Variants in SEC24A observed in about 807,000 individuals in gnomAD.
SEC24A encodes protein transport protein Sec24A.
A neutral mutation model predicts 129.4 loss-of-function variants in SEC24A; 93 were observed. The observed-to-expected ratio is 0.72, with a 90% CI of 0.61 to 0.85. The LOEUF is 0.85. Among genes scored for constraint, SEC24A ranks in the 40% least tolerant of loss-of-function variants. SEC24A has a pLI of 0.00. For synonymous variants in SEC24A, 460 were observed against 467.3 expected, an observed-to-expected ratio of 0.98 and a Z score of 0.20; for missense variants, 1,264 against 1,307.4, an observed-to-expected ratio of 0.97 and a Z score of 0.51.
chr5:134,668,691 A>G (rs1233942218), intron 3 of SEC24A, among the ~76,000 whole-genome samples: 1 of 151,588 alleles, frequency 6.6e-6, no homozygotes, highest in Non-Finnish European at 1.5e-5. Context: ...GCATGATCGC[A>G]CTCCAGCCTG....
intron 18 of SEC24A, among the ~76,000 whole-genome samples, chr5:134,714,171 T>G (rs545135920): frequency 2.0e-4 from 31 of 152,348 alleles, no homozygotes; most frequent in Non-Finnish European, 2.6e-4. Context: ...TGTAGTAGTA[T>G]TATTTTTTCT....
In SEC24A at chr5:134,674,733, C is replaced by T; in HGVS notation, c.936C>T (p.Pro312=). 1 of 1,613,982 alleles carries T rather than the reference C, an allele frequency of 6.2e-7. No homozygotes were observed. The highest frequency in any genetic ancestry group is 8.5e-7 in the Non-Finnish European group (1 of 1,179,914). ...CACCTGGTGCAACTGGAGTACCACC[C>T]TCTTCCTTGAATTACCCAAGTGGGC... ...TTPPGATGVP[P]SSLNYPSGPQ... Residue 312 remains proline, a synonymous_variant, in exon 5 of 23, where the codon CCC becomes CCT. Coordinates refer to ENST00000398844, the MANE Select transcript of SEC24A (RefSeq NM_021982.3).
intron 17 of SEC24A, 74 bp from the exon 18 acceptor site, chr5:134,708,639 T>C (rs1003191179): frequency 2.3e-6 from 3 of 1,310,140 alleles, no homozygotes; most frequent in East Asian, 2.4e-5. Context: ...AAAAATTATC[T>C]CTTCTATCCT....
At chr5:134,707,256 C>T (rs1752192567) in intron 17 of SEC24A, among the ~76,000 whole-genome samples, 1 of 152,122 alleles carries the variant, frequency 6.6e-6, no homozygotes. Flanking sequence ...TTTACCCACA[C>T]TTTAGTCTTT....
In SEC24A at chr5:134,676,079, C is replaced by T. The variant is rs570262881; in HGVS notation, c.1208C>T (p.Ala403Val). ...CAGACGCAGGCCTTATTGAATAAAGCCAAACTTCCTTTGGGGCTGCTGCTT... is the reference window on the plus strand; with the variant it reads ...CAGACGCAGGCCTTATTGAATAAAGTCAAACTTCCTTTGGGGCTGCTGCTT... ...IPQTQALLNKAKLPLGLLLHP... is the reference protein window; with the variant it reads ...IPQTQALLNKVKLPLGLLLHP... The change falls in exon 7 of 23, where the codon GCC (alanine) becomes GTC (valine). Residue 403 changes from alanine (A) to valine (V), a missense_variant. Ala to Val is a moderately conservative substitution (Grantham distance 64). Transcript: ENST00000398844. The T allele has an allele frequency of 6.2e-6, 10 of 1,613,272 alleles. No homozygotes were observed. The highest frequency in any genetic ancestry group is 1.7e-5 in the Admixed American group (1 of 59,904).
Position 134,726,806 on chromosome 5 carries a change from G to A in SEC24A, c.*1712G>A, listed in dbSNP as rs1455931131. 2 of 152,100 alleles carry A rather than the reference G, an allele frequency of 1.3e-5. No homozygotes were observed. Among genetic ancestry groups the A allele is most frequent in the Non-Finnish European group, 2.9e-5 (2 of 67,992 alleles). The allele number at this position is 152,100 out of a possible 1,614,324, so 9.4% of individuals were successfully genotyped here. A position where few individuals can be genotyped will look rare whatever the true frequency, so the allele number is the denominator to read the frequency against. On this transcript the variant is annotated 3_prime_UTR_variant, in exon 23 of 23. Transcript: ENST00000398844. ...TCCTCTTAATGTGATTTTAAATGGAGTTATTTGTAGGTCCTTTCTTAGTAG... is the reference window on the plus strand; with the variant it reads ...TCCTCTTAATGTGATTTTAAATGGAATTATTTGTAGGTCCTTTCTTAGTAG...
intron 8 of SEC24A, among the ~76,000 whole-genome samples, chr5:134,680,088 G>A (rs1751212957): frequency 6.6e-6 from 1 of 152,152 alleles, no homozygotes; most frequent in Non-Finnish European, 1.5e-5. Context: ...TAAGTCCACA[G>A]AATAGCTGCC....
At chr5:134,701,267 C>T (rs769083004) in intron 15 of SEC24A, 1 of 152,164 alleles carries the variant, frequency 6.6e-6, no homozygotes, top group African/African-American at 2.4e-5. Flanking sequence ...TACATGCTGT[C>T]GAAGTGAGTA....
chr5:134,675,388 C>T (rs748247151), intron 6 of SEC24A, among the ~76,000 whole-genome samples, 171 bp downstream of exon 6: 14 of 152,094 alleles, frequency 9.2e-5, no homozygotes, highest in South Asian at 2.1e-4. Flanking sequence ...AAAAGTCCTA[C>T]GTCAAGAAAT....
chr5:134,718,858 T>G (rs566845544), intron 20 of SEC24A, among the ~76,000 whole-genome samples: 1 of 150,924 alleles, frequency 6.6e-6, no homozygotes, highest in East Asian at 2.0e-4. Context: ...TAATCCTAAC[T>G]ACTTGGGAAG....
intron 9 of SEC24A, among the ~76,000 whole-genome samples, chr5:134,684,524 C>T (rs538631428): frequency 1.1e-4 from 16 of 151,982 alleles, no homozygotes; most frequent in African/African-American, 3.6e-4. Context: ...ACCAGCCTTA[C>T]CAACATGGTG....
In SEC24A at chr5:134,697,932, A is replaced by T. The variant is rs757378969; in HGVS notation, c.2141A>T (p.Tyr714Phe). 6.2e-7 allele frequency: 1 copy of T among 1,613,966 alleles called. No individual in the cohort carries two copies. Among genetic ancestry groups the T allele is most frequent in the Non-Finnish European group, 8.5e-7 (1 of 1,179,914 alleles). Residue 714 changes from tyrosine (Y) to phenylalanine (F), a missense_variant, in exon 15 of 23, where the codon TAT (tyrosine) becomes TTT (phenylalanine). Physicochemically the swap from Tyr to Phe is conservative, Grantham distance 22. Transcript: ENST00000398844. The part of the protein sequence containing the change: ...CISRYSAGSV[Y>F]YYPSYHHQHN... ...TCTCGGTATTCAGCAGGTAGTGTCT[A>T]TTACTATCCCTCTTACCATCATCAG... is the stretch of plus-strand genomic sequence containing the variant.
chr5:134,694,118 T>G (rs980069675), intron 13 of SEC24A, among the ~76,000 whole-genome samples, 185 bp downstream of exon 13: 19 of 152,226 alleles, frequency 1.2e-4, no homozygotes, highest in Non-Finnish European at 2.4e-4. Context: ...CTTCCTTAAT[T>G]TTTAGTATCT....
At chr5:134,718,215 A>T (rs759578845) in intron 20 of SEC24A, 42 bp downstream of exon 20, 24 of 1,359,910 alleles carry the variant, frequency 1.8e-5, no homozygotes, top group Non-Finnish European at 2.3e-5. Flanking sequence ...GCAAACTACT[A>T]TACTGTTTTA....
Position 134,661,579 on chromosome 5 carries a change from A to G in SEC24A, c.558A>G (p.Ile186Met), listed in dbSNP as rs746082507. The G allele has an allele frequency of 2.5e-5, 40 of 1,607,662 alleles. No homozygotes were observed. The highest frequency in any genetic ancestry group is 3.2e-5 in the Non-Finnish European group (38 of 1,174,408). Residue 186 changes from isoleucine to methionine, a missense_variant, in exon 2 of 23, where the codon ATA (isoleucine) becomes ATG (methionine). Physicochemically the swap from Ile to Met is conservative, Grantham distance 10 (BLOSUM62 1). Transcript: ENST00000398844. ...ATCCTTCACTTCAAAATAGCTTCAT[A>G]AAGTCAGGTAGTATTCTTATAGAAG... ...SGYPSLQNSF[I>M]KSGPSVPPLV...
chr5:134,688,243 A>G lies in SEC24A; in HGVS notation c.1667A>G (p.Tyr556Cys). The G allele has an allele frequency of 3.7e-6, 6 of 1,613,276 alleles. No individual in the cohort carries two copies. Among genetic ancestry groups the G allele is most frequent in the South Asian group, 1.1e-5 (1 of 91,054 alleles). ...FITFDSTIHFYGLQESLSQPQ... is the reference protein window; with the variant it reads ...FITFDSTIHFCGLQESLSQPQ... Reference sequence around the variant, plus strand: ...ACATTTGACAGTACAATCCATTTCTACGGTCTTCAGGAAAGTCTCTCTCAA... The same window carrying G: ...ACATTTGACAGTACAATCCATTTCTGCGGTCTTCAGGAAAGTCTCTCTCAA... The change falls in exon 11 of 23, where the codon TAC becomes TGC. Residue 556 changes from tyrosine (Y) to cysteine (C), a missense_variant. By Grantham distance (194) the Tyr-to-Cys change is radical. Coordinates refer to ENST00000398844, the MANE Select transcript of SEC24A (RefSeq NM_021982.3).
Position 134,649,154 on chromosome 5 carries a change from G to A in SEC24A, c.78G>A (p.Ser26=), listed in dbSNP as rs781552696. 1 of 1,609,696 alleles carries A rather than the reference G, an allele frequency of 6.2e-7. No individual in the cohort carries two copies. Among genetic ancestry groups the A allele is most frequent in the Middle Eastern group, 1.7e-4 (1 of 6,050 alleles). Residue 26 remains serine, a synonymous_variant, in exon 1 of 23, where the codon TCG becomes TCA. Transcript: ENST00000398844. ...CCCAGAACGGAGCCGCCTTGGCCTC[G>A]GGGTCTCCCTACACCAACGGTGAGT... ...LQAQNGAALA[S]GSPYTNGPVQ...
chr5:134,669,150 A>G (rs1750767167), intron 3 of SEC24A, among the ~76,000 whole-genome samples: 1 of 152,024 alleles, frequency 6.6e-6, no homozygotes, highest in Non-Finnish European at 1.5e-5. Flanking sequence ...GTTACATTAA[A>G]TATTTAAATA....
intron 18 of SEC24A, among the ~76,000 whole-genome samples, chr5:134,711,067 C>A (rs980611466): frequency 1.3e-5 from 2 of 152,062 alleles, no homozygotes; most frequent in South Asian, 4.1e-4. Flanking sequence ...ACCCAGGAGG[C>A]AGAGGTTGCA....
Sources: gnomAD v4.1 joint callset for allele counts (sites outside exome capture counted in the v4.1 genomes callset) on GRCh38, gnomAD v4.1.1 for gene constraint, MANE v1.5 for transcripts, NCBI Gene and HGNC (gene_info 2026-07-23, HGNC 2026-07-21) for gene names.